Variants in ADAMTS19 observed in about 807,000 individuals in gnomAD.
ADAMTS19 encodes the protein A disintegrin and metalloproteinase with thrombospondin motifs 19.
Under a neutral mutation model 153.3 loss-of-function variants are expected in ADAMTS19, and 93 were observed. That is an observed-to-expected ratio of 0.61 (90% CI 0.51 to 0.72). ADAMTS19 has a LOEUF of 0.72. Ranked by LOEUF, ADAMTS19 falls within the 30% of genes least tolerant of loss-of-function variation. The pLI, the probability that ADAMTS19 is intolerant of heterozygous loss-of-function variation, is 0.00. For missense variants in ADAMTS19, 1,482 were observed against 1,552.1 expected (o/e 0.95, Z 0.76); for synonymous variants, 600 against 556.6 (o/e 1.08, Z -1.10).
At chr5:129,572,674 T>C (rs1165708955) in intron 7 of ADAMTS19, among the ~76,000 whole-genome samples, 1 of 152,100 alleles carries the variant, frequency 6.6e-6, no homozygotes, top group Non-Finnish European at 1.5e-5. Context: ...GTCTCAAAGG[T>C]TACTTACTGT....
intron 7 of ADAMTS19, among the ~76,000 whole-genome samples, chr5:129,557,410 C>A (rs1468131579): frequency 1.3e-5 from 2 of 152,046 alleles, no homozygotes; most frequent in East Asian, 1.9e-4. Context: ...CAAGCCTGGA[C>A]AACATGGTGA....
At chr5:129,537,577 C>T (rs1205327794) in intron 6 of ADAMTS19, among the ~76,000 whole-genome samples, 1 of 152,228 alleles carries the variant, frequency 6.6e-6, no homozygotes, top group African/African-American at 2.4e-5. Context: ...ACATCTACAC[C>T]ATGGAATACT....
intron 3 of ADAMTS19, among the ~76,000 whole-genome samples, chr5:129,510,290 G>A (rs910858720): frequency 2.0e-5 from 3 of 151,450 alleles, no homozygotes; most frequent in Non-Finnish European, 3.0e-5. Context: ...TAGGATGTTC[G>A]GATTCAGAAA....
chr5:129,507,402 T>A (rs1348722840), intron 2 of ADAMTS19, among the ~76,000 whole-genome samples: 1 of 152,096 alleles, frequency 6.6e-6, no homozygotes, highest in East Asian at 1.9e-4. Flanking sequence ...TTATCTTTAA[T>A]ATTTTCTTGT....
intron 6 of ADAMTS19, among the ~76,000 whole-genome samples, chr5:129,539,485 C>G (rs1411318202): frequency 1.3e-5 from 2 of 152,074 alleles, no homozygotes; most frequent in African/African-American, 2.4e-5. Flanking sequence ...CTGCACTTGA[C>G]TTCTGACAAG....
At chr5:129,647,951 G>A (rs1357098592) in intron 12 of ADAMTS19, 56 bp downstream of exon 12, 9 of 1,559,418 alleles carry the variant, frequency 5.8e-6, no homozygotes, top group South Asian at 1.2e-5. Flanking sequence ...GAATGCAAAG[G>A]TTTTACTGAT....
intron 16 of ADAMTS19, among the ~76,000 whole-genome samples, chr5:129,675,617 C>A (rs1266117988): frequency 1.3e-5 from 2 of 151,894 alleles, no homozygotes; most frequent in Non-Finnish European, 1.5e-5. Context: ...TATATTTTTT[C>A]TATTTCTATT....
At chr5:129,637,403 T>C (rs1336310403) in intron 10 of ADAMTS19, among the ~76,000 whole-genome samples, 23 of 152,340 alleles carry the variant, frequency 1.5e-4, no homozygotes, top group Admixed American at 1.5e-3. Flanking sequence ...TTTAGCATAC[T>C]CAGCTCTAAA....
chr5:129,499,121 C>T (rs1581010223), intron 2 of ADAMTS19, among the ~76,000 whole-genome samples: 1 of 151,908 alleles, frequency 6.6e-6, no homozygotes, highest in Non-Finnish European at 1.5e-5. Context: ...TAAATTCGCT[C>T]CCTATATTTA....
rs115782650 is a variant in ADAMTS19, at chr5:129,712,349, G to T, written c.3312+7958G>T. Among the ~76,000 whole-genome samples the T allele has an allele frequency of 8.7e-3, 1,319 of 152,124 alleles. 21 individuals are homozygous for T. The highest frequency in any genetic ancestry group is 0.029 in the African/African-American group (1,218 of 41,506). On this transcript the variant is annotated intron_variant, in intron 21 of 22. Coordinates refer to ENST00000274487, the MANE Select transcript of ADAMTS19 (RefSeq NM_133638.6). Reference sequence around the variant, plus strand: ...ACCTATCCCAAGATATCCTAAAAAAGAAACATTTTACATTTTATTTTCTTT... The same window carrying T: ...ACCTATCCCAAGATATCCTAAAAAATAAACATTTTACATTTTATTTTCTTT...
intron 6 of ADAMTS19, among the ~76,000 whole-genome samples, chr5:129,537,575 A>T (rs1243737532): frequency 1.3e-5 from 2 of 152,154 alleles, no homozygotes; most frequent in African/African-American, 2.4e-5. Flanking sequence ...GCACATCTAC[A>T]CCATGGAATA....
chr5:129,610,389 A>G (rs927379638), intron 8 of ADAMTS19, among the ~76,000 whole-genome samples: 4 of 152,098 alleles, frequency 2.6e-5, no homozygotes, highest in Non-Finnish European at 5.9e-5. Context: ...TGCTGCACCC[A>G]TTAACTTGTC....
intron 21 of ADAMTS19, among the ~76,000 whole-genome samples, chr5:129,725,368 G>A (rs983746734): frequency 2.0e-5 from 3 of 152,018 alleles, no homozygotes; most frequent in Non-Finnish European, 4.4e-5. Context: ...CACAACGGCC[G>A]GCTCACACTT....
chr5:129,515,142 G>A (rs977687517), intron 3 of ADAMTS19, among the ~76,000 whole-genome samples: 9 of 151,912 alleles, frequency 5.9e-5, no homozygotes, highest in Non-Finnish European at 1.2e-4. Context: ...TATTCCATTG[G>A]TCTATGTGCC....
At chr5:129,710,445 A>G (rs1157837791) in intron 21 of ADAMTS19, among the ~76,000 whole-genome samples, 1 of 152,182 alleles carries the variant, frequency 6.6e-6, no homozygotes, top group Non-Finnish European at 1.5e-5. Context: ...GAGTGCATGT[A>G]TCTTTCACGA....
At chr5:129,529,476 C>T (rs902112698) in intron 6 of ADAMTS19, among the ~76,000 whole-genome samples, 5 of 152,106 alleles carry the variant, frequency 3.3e-5, no homozygotes, top group African/African-American at 4.8e-5. Flanking sequence ...CTTCTACTTT[C>T]GGCTAAGTAG....
intron 2 of ADAMTS19, among the ~76,000 whole-genome samples, chr5:129,492,505 CAG>C (rs1491410957): frequency 2.7e-5 from 3 of 110,618 alleles, no homozygotes; most frequent in Non-Finnish European, 5.2e-5. Flanking sequence ...AATTAAAGGT[CAG>C]TGTGTGTGTG....
Position 129,558,038 on chromosome 5 carries a change from A to T in ADAMTS19, c.1372+6131A>T, listed in dbSNP as rs577492098. Among the ~76,000 whole-genome samples, 132 of 148,944 alleles carry T rather than the reference A, an allele frequency of 8.9e-4. 1 individual carries two copies. The highest frequency in any genetic ancestry group is 2.9e-3 in the African/African-American group (117 of 40,350). On this transcript the variant is annotated intron_variant, in intron 7 of 22. Coordinates refer to ENST00000274487, the MANE Select transcript of ADAMTS19 (RefSeq NM_133638.6). ...TTTGGATAAAGAAAATGCCTTTCAT[A>T]CGATTCAAAACACATTCATGATAAA...
intron 7 of ADAMTS19, among the ~76,000 whole-genome samples, chr5:129,589,300 T>G (rs1749977448): frequency 2.0e-5 from 3 of 151,918 alleles, no homozygotes; most frequent in African/African-American, 7.2e-5. Context: ...CTTCCTTTTT[T>G]TTGTAGCACT....
Sources: gnomAD v4.1 joint callset for allele counts (sites outside exome capture counted in the v4.1 genomes callset) on GRCh38, gnomAD v4.1.1 for gene constraint, MANE v1.5 for transcripts, NCBI Gene and HGNC (gene_info 2026-07-23, HGNC 2026-07-21) for gene names.